Variants in RHOBTB3 observed in about 807,000 individuals in gnomAD.
RHOBTB3 encodes Rho related BTB domain containing 3.
RHOBTB3 carries 47 observed loss-of-function variants against 67.2 expected under a neutral mutation model. The observed-to-expected ratio is 0.70, with a 90% CI of 0.55 to 0.89. The LOEUF (loss-of-function observed/expected upper bound fraction) is 0.89. Among genes scored for constraint, RHOBTB3 ranks in the 40% least tolerant of loss-of-function variants. The probability of loss-of-function intolerance (pLI) is 0.00; values close to 1 mark genes in which losing one functional copy is unlikely to be tolerated. For synonymous variants in RHOBTB3, 273 were observed against 274.2 expected (o/e 1.00, Z 0.04); for missense variants, 631 against 750.0 (o/e 0.84, Z 1.85).
upstream of RHOBTB3, chr5:95,731,049 G>A (rs530216879): frequency 1.7e-5 from 18 of 1,032,422 alleles, no homozygotes; most frequent in African/African-American, 2.9e-4. Context: ...CTCTGGTTAC[G>A]GCCTTGCGAG....
chr5:95,745,393 C>T (rs1398439571), intron 3 of RHOBTB3, among the ~76,000 whole-genome samples: 1 of 152,120 alleles, frequency 6.6e-6, no homozygotes, highest in African/African-American at 2.4e-5. Context: ...TTGAATCTAT[C>T]TTGAAAAGAG....
In RHOBTB3 at chr5:95,731,671, G is replaced by T; in HGVS notation, c.-12G>T. 6.2e-7 allele frequency: 1 copy of T among 1,613,432 alleles called. No individual in the cohort carries two copies. Among genetic ancestry groups the T allele is most frequent in the African/African-American group, 1.3e-5 (1 of 75,060 alleles). Reference sequence around the variant, plus strand: ...TTCTCCGAGTCGCCGCCCTGCCCTTGGATTTGAGATCATGTACGTACGCGC... The same window carrying T: ...TTCTCCGAGTCGCCGCCCTGCCCTTTGATTTGAGATCATGTACGTACGCGC... On this transcript the variant is annotated 5_prime_UTR_variant, in exon 1 of 12. Coordinates refer to ENST00000379982, the MANE Select transcript of RHOBTB3 (RefSeq NM_014899.4).
chr5:95,773,362 C>T (rs1471124588), intron 8 of RHOBTB3, among the ~76,000 whole-genome samples: 1 of 152,154 alleles, frequency 6.6e-6, no homozygotes, highest in African/African-American at 2.4e-5. Flanking sequence ...GAGTCAGAAG[C>T]AAGGAACAGC....
intron 3 of RHOBTB3, among the ~76,000 whole-genome samples, chr5:95,740,967 A>G (rs1755577757): frequency 6.6e-6 from 1 of 152,192 alleles, no homozygotes; most frequent in South Asian, 2.1e-4. Context: ...CAAGGCCGTT[A>G]TCTTATTAAG....
At chr5:95,789,226 T>G (rs1176333492) in intron 11 of RHOBTB3, 4 of 174,384 alleles carry the variant, frequency 2.3e-5, no homozygotes, top group African/African-American at 9.6e-5. Context: ...CAGTACAGAT[T>G]TAAAAATTTT....
chr5:95,793,035 A>G, intron 11 of RHOBTB3, 24 bp from the exon 12 acceptor site: 1 of 1,481,938 alleles, frequency 6.7e-7, no homozygotes, highest in Non-Finnish European at 9.4e-7. Context: ...TATTCGGTTA[A>G]CAGTCTTTTT....
chr5:95,790,844 G>C (rs1746360917), intron 11 of RHOBTB3, among the ~76,000 whole-genome samples: 1 of 152,154 alleles, frequency 6.6e-6, no homozygotes, highest in Non-Finnish European at 1.5e-5. Flanking sequence ...GTTTTATTGG[G>C]ACCCCACAGT....
intron 9 of RHOBTB3, among the ~76,000 whole-genome samples, chr5:95,783,060 AGGCTT>A (rs1259426229): frequency 6.6e-6 from 1 of 151,226 alleles, no homozygotes; most frequent in African/African-American, 2.4e-5. Context: ...CTGAGTATGA[AGGCTT>A]GGATTCTTTT....
At chr5:95,786,957 C>A (rs940784733) in intron 10 of RHOBTB3, among the ~76,000 whole-genome samples, 2 of 152,230 alleles carry the variant, frequency 1.3e-5, no homozygotes, top group South Asian at 2.1e-4. Context: ...TTGAAATCTA[C>A]TTCCCAAACC....
intron 1 of RHOBTB3, 52 bp downstream of exon 1, chr5:95,731,736 G>A (rs1561436877): frequency 2.5e-6 from 4 of 1,611,804 alleles, no homozygotes; most frequent in Non-Finnish European, 3.4e-6. Flanking sequence ...CGTGCCGTGC[G>A]CCCCAGGGAC....
upstream of RHOBTB3, chr5:95,731,200 C>T (rs1013966726): frequency 3.0e-6 from 3 of 1,001,952 alleles, no homozygotes; most frequent in Non-Finnish European, 3.6e-6. Flanking sequence ...CCGGGGCCTC[C>T]GCGGGGAGCG....
intron 2 of RHOBTB3, 99 bp downstream of exon 2, chr5:95,732,183 C>A: frequency 9.1e-7 from 1 of 1,094,844 alleles, no homozygotes; most frequent in Non-Finnish European, 1.4e-6. Flanking sequence ...TGTGGAGTGT[C>A]CGCGTTACAT....
At chr5:95,755,948 A>G in intron 6 of RHOBTB3, 187 bp downstream of exon 6, 1 of 559,018 alleles carries the variant, frequency 1.8e-6, no homozygotes. Flanking sequence ...TTTTCCTTAC[A>G]AATGTACTTG....
At chr5:95,761,930 C>T (rs1745406155) in intron 6 of RHOBTB3, among the ~76,000 whole-genome samples, 1 of 152,110 alleles carries the variant, frequency 6.6e-6, no homozygotes, top group South Asian at 2.1e-4. Context: ...AGGATGTGGC[C>T]ACACAGTTAA....
Position 95,795,931 on chromosome 5 carries a change from T to C in RHOBTB3, c.*2757T>C, listed in dbSNP as rs1367618436. 1 of 152,102 alleles carries C rather than the reference T, an allele frequency of 6.6e-6. No individual in the cohort carries two copies. The highest frequency in any genetic ancestry group is 2.0e-4 in the East Asian group (1 of 5,120). 9.4% of individuals were successfully genotyped at this position (152,102 alleles called of 1,614,324 possible). A position where few individuals can be genotyped will look rare whatever the true frequency, so the allele number is the denominator to read the frequency against. On this transcript the variant is annotated 3_prime_UTR_variant, in exon 12 of 12. Transcript: ENST00000379982. ...TACTCTATGGTAGAACTAAGGCCTT[T>C]CCTTTCTTGGCCAAAGTCTTTACCC... is the stretch of plus-strand genomic sequence containing the variant.
At chr5:95,764,057 A>G (rs1384223169) in intron 7 of RHOBTB3, among the ~76,000 whole-genome samples, 1 of 152,124 alleles carries the variant, frequency 6.6e-6, no homozygotes, top group Non-Finnish European at 1.5e-5. Context: ...CGATCTGCCC[A>G]CCGTAGCCTC....
At chr5:95,757,964 A>G (rs2112803114) in intron 6 of RHOBTB3, among the ~76,000 whole-genome samples, 1 of 152,388 alleles carries the variant, frequency 6.6e-6, no homozygotes, top group African/African-American at 2.4e-5. Flanking sequence ...TTACATGTTA[A>G]GAGAAAAAAG....
Position 95,796,002 on chromosome 5 carries a change from A to C in RHOBTB3, c.*2828A>C, listed in dbSNP as rs1746552073. 3 of 152,236 alleles carry C rather than the reference A, an allele frequency of 2.0e-5. No homozygotes were observed. The South Asian group carries it at 6.2e-4, about 31-fold the overall frequency. The allele number at this position is 152,236 out of a possible 1,614,324, so 9.4% of individuals were successfully genotyped here. On this transcript the variant is annotated 3_prime_UTR_variant, in exon 12 of 12. Coordinates refer to ENST00000379982, the MANE Select transcript of RHOBTB3 (RefSeq NM_014899.4). The stretch of plus-strand genomic sequence containing the variant: ...TCTGACTGCTCACTGTTCATATTAT[A>C]GGGGACCAGATTTGTAATATAGAAT...
At chr5:95,778,425 C>A (rs1185198410) in intron 8 of RHOBTB3, among the ~76,000 whole-genome samples, 2 of 146,096 alleles carry the variant, frequency 1.4e-5, no homozygotes, top group East Asian at 4.0e-4. Flanking sequence ...TGAATATTTT[C>A]CACTCTCTGT....
Sources: gnomAD v4.1 joint callset for allele counts (sites outside exome capture counted in the v4.1 genomes callset) on GRCh38, gnomAD v4.1.1 for gene constraint, MANE v1.5 for transcripts, NCBI Gene and HGNC (gene_info 2026-07-23, HGNC 2026-07-21) for gene names.